SMAD2: variants seen among roughly 807,000 people sequenced by gnomAD.
SMAD2 encodes the protein MAD homolog 2.
A neutral mutation model predicts 64.4 loss-of-function variants in SMAD2; 8 were observed. The ratio of observed to expected loss-of-function variants is 0.12; its 90% confidence interval spans 0.07 to 0.22. SMAD2 has a LOEUF of 0.22. SMAD2 is among the 10% of genes least tolerant of loss of function. The pLI is 1.00. For synonymous variants in SMAD2, 203 were observed against 195.8 expected, an observed-to-expected ratio of 1.04 and a Z score of -0.31; for missense variants, 289 against 561.2, an observed-to-expected ratio of 0.51 and a Z score of 4.90.
At position 47,822,291 on chromosome 18, in the gene SMAD2, A is replaced by G. The variant is rs1021301151; in HGVS notation, c.*19536T>C. On this transcript the variant is annotated 3_prime_UTR_variant, in exon 11 of 11. Transcript: ENST00000262160. ...GTTATTCTAAGTTTTTGTAATTCCC[A>G]GTTATTGCTTTTTCTCTAAAAGCAT... is the stretch of plus-strand genomic sequence containing the variant. 2 of 152,170 alleles carry G rather than the reference A, an allele frequency of 1.3e-5. No individual in the cohort carries two copies. Among genetic ancestry groups the G allele is most frequent in the Non-Finnish European group, 2.9e-5 (2 of 68,024 alleles). The allele number at this position is 152,170 out of a possible 1,614,324, so 9.4% of individuals were successfully genotyped here. A position where few individuals can be genotyped will look rare whatever the true frequency, so the allele number is the denominator to read the frequency against.
chr18:47,921,464 T>C (rs1313782249), intron 1 of SMAD2, among the ~76,000 whole-genome samples: 1 of 152,192 alleles, frequency 6.6e-6, no homozygotes, highest in Non-Finnish European at 1.5e-5. Flanking sequence ...ATGGATTATG[T>C]ATACAAAAAT....
chr18:47,895,385 T>C (rs2144470010), intron 2 of SMAD2: 1 of 152,370 alleles, frequency 6.6e-6, no homozygotes, highest in South Asian at 2.1e-4. Flanking sequence ...TTTTAATTCT[T>C]CATTCTATCA....
chr18:47,858,331 G>A (rs1436320396), intron 6 of SMAD2, among the ~76,000 whole-genome samples: 2 of 152,018 alleles, frequency 1.3e-5, no homozygotes, highest in Non-Finnish European at 2.9e-5. Flanking sequence ...TCAAAGTCAG[G>A]GTCACATACA....
chr18:47,818,933 T>C lies in SMAD2; in HGVS notation c.*22894A>G, dbSNP rs1175378002. ...ATAAACCAGCAAGCCTGTATTACTATCGTATGACTAAAATTCTAAAATGAA... is the reference window on the plus strand; with the variant it reads ...ATAAACCAGCAAGCCTGTATTACTACCGTATGACTAAAATTCTAAAATGAA... On this transcript the variant is annotated 3_prime_UTR_variant, in exon 11 of 11. Transcript: ENST00000262160. The C allele has an allele frequency of 6.6e-6, 1 of 152,262 alleles. No individual in the cohort carries two copies. The highest frequency in any genetic ancestry group is 2.4e-5 in the African/African-American group (1 of 41,468). The allele number at this position is 152,262 out of a possible 1,614,324, so 9.4% of individuals were successfully genotyped here.
At chr18:47,850,582 T>TA (rs1555646529) in intron 7 of SMAD2, among the ~76,000 whole-genome samples, 5 of 32,348 alleles carry the variant, frequency 1.5e-4, no homozygotes, top group South Asian at 8.1e-4. Flanking sequence ...TTATATATTA[T>TA]ATATATATTA....
chr18:47,875,289 G>C (rs1408075704), intron 2 of SMAD2, among the ~76,000 whole-genome samples: 14 of 152,100 alleles, frequency 9.2e-5, no homozygotes, highest in African/African-American at 3.4e-4. Flanking sequence ...CTTCCTTAAA[G>C]ATTCTGTCTA....
chr18:47,855,831 C>T (rs1392768540), intron 6 of SMAD2, among the ~76,000 whole-genome samples: 1 of 152,016 alleles, frequency 6.6e-6, no homozygotes, highest in East Asian at 1.9e-4. Flanking sequence ...TTAAATACAC[C>T]ACCCATCTCT....
In SMAD2 at chr18:47,915,856, T is replaced by G. The variant is rs375992990; in HGVS notation, c.-54+14505A>C. Among the ~76,000 whole-genome samples the G allele has an allele frequency of 4.6e-5, 7 of 152,226 alleles. No individual in the cohort carries two copies. In the East Asian group the frequency reaches 1.2e-3, roughly 25 times the overall value. On this transcript the variant is annotated intron_variant, in intron 1 of 10. Transcript: ENST00000262160. ...AGGCAACTACTGACTTCTATTACTA[T>G]TAATTTTACCTGTTCCAGAAATTCA...
chr18:47,921,330 A>G (rs1293864279), intron 1 of SMAD2, among the ~76,000 whole-genome samples: 1 of 152,232 alleles, frequency 6.6e-6, no homozygotes, highest in East Asian at 1.9e-4. Context: ...AGATGCATAA[A>G]ATCTCTGGAA....
intron 1 of SMAD2, among the ~76,000 whole-genome samples, chr18:47,899,210 G>A (rs537907348): frequency 1.3e-5 from 2 of 152,180 alleles, no homozygotes; most frequent in African/African-American, 4.8e-5. Context: ...GCCAAAATAC[G>A]AAGTATTTGG....
At chr18:47,912,326 T>C (rs1348883942) in intron 1 of SMAD2, 1 of 152,176 alleles carries the variant, frequency 6.6e-6, no homozygotes, top group Admixed American at 6.5e-5. Flanking sequence ...CTACTGGACG[T>C]GCAGTTTAGG....
chr18:47,861,026 C>G (rs1012724753), intron 6 of SMAD2, among the ~76,000 whole-genome samples: 4 of 151,730 alleles, frequency 2.6e-5, no homozygotes, highest in Admixed American at 2.6e-4. Flanking sequence ...TTAGTTAGGA[C>G]AGAAAAAGAA....
Position 47,827,699 on chromosome 18 carries a change from C to T in SMAD2, c.*14128G>A, listed in dbSNP as rs1912808854. 2 of 160,144 alleles carry T rather than the reference C, an allele frequency of 1.2e-5. No homozygotes were observed. 9.9% of individuals were successfully genotyped at this position (160,144 alleles called of 1,614,324 possible). ...GTTTCGCCGTGTTGGCCAGGCTGGTCTCCAGCTCCTGACCGCGCATGATCT... is the reference window on the plus strand; with the variant it reads ...GTTTCGCCGTGTTGGCCAGGCTGGTTTCCAGCTCCTGACCGCGCATGATCT... On this transcript the variant is annotated 3_prime_UTR_variant, in exon 11 of 11. Coordinates refer to ENST00000262160, the MANE Select transcript of SMAD2 (RefSeq NM_005901.6).
Position 47,841,309 on chromosome 18 carries a change from G to GC in SMAD2, c.*517dup, listed in dbSNP as rs1389010031. 4.3e-6 allele frequency: 1 copy of GC among 233,256 alleles called. No homozygotes were observed. Among genetic ancestry groups the GC allele is most frequent in the Admixed American group, 5.6e-5 (1 of 17,850 alleles). 14.4% of individuals were successfully genotyped at this position (233,256 alleles called of 1,614,324 possible). On this transcript the variant is annotated 3_prime_UTR_variant, in exon 11 of 11. Coordinates refer to ENST00000262160, the MANE Select transcript of SMAD2 (RefSeq NM_005901.6). The stretch of plus-strand genomic sequence containing the variant: ...AATTAGTTTTTCTACAGGAAAATCT[G>GC]CTTCTAAATAATTTGAAAATCTTGA...
Position 47,838,113 on chromosome 18 carries a change from A to G in SMAD2, c.*3714T>C, listed in dbSNP as rs867138632. ...TGATTTCAACTAGCAAGAGACTAAG[A>G]CTGATGTTTGTTTGTTTGTTTTACC... On this transcript the variant is annotated 3_prime_UTR_variant, in exon 11 of 11. Coordinates refer to ENST00000262160, the MANE Select transcript of SMAD2 (RefSeq NM_005901.6). The G allele has an allele frequency of 3.9e-5, 9 of 232,914 alleles. No homozygotes were observed. The highest frequency in any genetic ancestry group is 1.8e-4 in the African/African-American group (8 of 45,280). The allele number at this position is 232,914 out of a possible 1,614,324, so 14.4% of individuals were successfully genotyped here. A position where few individuals can be genotyped will look rare whatever the true frequency, so the allele number is the denominator to read the frequency against.
intron 2 of SMAD2, chr18:47,895,706 G>C (rs1376602046): frequency 6.6e-6 from 1 of 152,202 alleles, no homozygotes; most frequent in Non-Finnish European, 1.5e-5. Context: ...AACTAGACAG[G>C]CTGCACTGGT....
At chr18:47,879,158 T>C (rs184297454) in intron 2 of SMAD2, among the ~76,000 whole-genome samples, 133 of 152,318 alleles carry the variant, frequency 8.7e-4, no homozygotes, top group African/African-American at 3.0e-3. Context: ...AACACAAATC[T>C]AGACACTTAA....
intron 2 of SMAD2, among the ~76,000 whole-genome samples, chr18:47,886,219 A>G (rs2032892703): frequency 1.3e-5 from 2 of 152,154 alleles, no homozygotes; most frequent in Admixed American, 6.5e-5. Context: ...TAATCTGACA[A>G]TTTTTGACAA....
chr18:47,906,338 C>T (rs1440192031), intron 1 of SMAD2, among the ~76,000 whole-genome samples: 3 of 152,120 alleles, frequency 2.0e-5, no homozygotes, highest in Non-Finnish European at 2.9e-5. Flanking sequence ...ATAAGGGATA[C>T]TCAAATCTGT....
Sources: allele counts gnomAD v4.1 joint callset (sites outside exome capture counted in the v4.1 genomes callset), GRCh38; gene constraint gnomAD v4.1.1; transcripts MANE v1.5; gene names NCBI Gene and HGNC (gene_info 2026-07-23, HGNC 2026-07-21).